PALS2: variants seen among roughly 807,000 people sequenced by gnomAD.
PALS2 encodes protein associated with LIN7 2, MAGUK p55 family member, also known as protein PALS2.
PALS2 carries 27 observed loss-of-function variants against 61.6 expected under a neutral mutation model. The ratio of observed to expected loss-of-function variants is 0.44; its 90% CI spans 0.32 to 0.60. The LOEUF (loss-of-function observed/expected upper bound fraction) is 0.60, where lower values mean the gene tolerates loss of function less well. Among genes scored for constraint, PALS2 ranks in the 20% least tolerant of loss-of-function variants. The pLI, the probability that PALS2 is intolerant of heterozygous loss-of-function variation, is 0.05. For missense variants in PALS2, 554 were observed against 639.4 expected (o/e 0.87, Z 1.44); for synonymous variants, 236 against 218.6 (o/e 1.08, Z -0.70).
At chr7:24,612,652 C>A (rs1014607887) in intron 1 of PALS2, among the ~76,000 whole-genome samples, 3 of 151,572 alleles carry the variant, frequency 2.0e-5, no homozygotes, top group Admixed American at 1.3e-4. Flanking sequence ...TTGGTTATTA[C>A]GATTATTTAG....
chr7:24,639,008 G>A (rs1007739830), intron 2 of PALS2, among the ~76,000 whole-genome samples: 8 of 152,200 alleles, frequency 5.3e-5, no homozygotes, highest in African/African-American at 1.9e-4. Flanking sequence ...GCAAAGGAGT[G>A]AAAGTCAAAG....
At position 24,608,409 on chromosome 7, in the gene PALS2, T is replaced by G. The variant is rs549171655; in HGVS notation, c.-2-15257T>G. ...CAAATACATTTTCTTCTATTACTTC[T>G]TCAACTATTTCCTCTCACACTTATT... On this transcript the variant is annotated intron_variant, in intron 1 of 11. Coordinates refer to ENST00000222644, the MANE Select transcript of PALS2 (RefSeq NM_001303037.2). 7.9e-5 allele frequency among the ~76,000 whole-genome samples: 12 copies of G among 152,268 alleles called. No individual in the cohort carries two copies. In the East Asian group the frequency reaches 2.1e-3, roughly 27 times the overall value.
intron 11 of PALS2, among the ~76,000 whole-genome samples, chr7:24,684,511 A>G (rs1788097834): frequency 1.3e-5 from 2 of 152,216 alleles, no homozygotes; most frequent in African/African-American, 4.8e-5. Context: ...AGATTATTCT[A>G]CATTTCCTGG....
intron 1 of PALS2, among the ~76,000 whole-genome samples, chr7:24,622,505 A>G (rs1784560851): frequency 2.0e-5 from 3 of 151,924 alleles, no homozygotes; most frequent in Non-Finnish European, 2.9e-5. Context: ...TATGTGTAAC[A>G]ACATATTGGT....
intron 1 of PALS2, among the ~76,000 whole-genome samples, chr7:24,615,653 A>G (rs1784269586): frequency 6.6e-6 from 1 of 151,632 alleles, no homozygotes; most frequent in Admixed American, 6.6e-5. Context: ...CCACTAAATT[A>G]TCTTCTCAAA....
At chr7:24,655,343 C>T (rs1168795481) in intron 5 of PALS2, among the ~76,000 whole-genome samples, 1 of 151,944 alleles carries the variant, frequency 6.6e-6, no homozygotes, top group Non-Finnish European at 1.5e-5. Flanking sequence ...ATAAAGAGTA[C>T]GTATAGATGC....
chr7:24,668,273 A>G (rs113461222), intron 8 of PALS2, among the ~76,000 whole-genome samples: 6 of 152,254 alleles, frequency 3.9e-5, no homozygotes, highest in African/African-American at 1.4e-4. Flanking sequence ...TTGCACCACT[A>G]TACTCTACCC....
chr7:24,594,672 A>G (rs999019593), intron 1 of PALS2, among the ~76,000 whole-genome samples: 1 of 152,074 alleles, frequency 6.6e-6, no homozygotes. Flanking sequence ...GCTGTCTTAT[A>G]TGGGGGTGAT....
intron 9 of PALS2, among the ~76,000 whole-genome samples, chr7:24,670,543 T>C (rs1787245398): frequency 6.6e-6 from 1 of 152,180 alleles, no homozygotes; most frequent in Non-Finnish European, 1.5e-5. Flanking sequence ...TCCTCTTGTA[T>C]GTGGAATGTA....
rs1027771250 is a variant in PALS2 at position 24,691,206 on chromosome 7, AT to A, written c.*3593del. ...ATTTTGAAAATTGCTCAAAATAATA[AT>A]CTACTTAAATTTTACTTTTGTAACT... On this transcript the variant is annotated 3_prime_UTR_variant, in exon 12 of 12. Coordinates refer to ENST00000222644, the MANE Select transcript of PALS2 (RefSeq NM_001303037.2). 6.6e-6 allele frequency: 1 copy of A among 151,852 alleles called. No individual in the cohort carries two copies. The highest frequency in any genetic ancestry group is 1.5e-5 in the Non-Finnish European group (1 of 67,906). The allele number at this position is 151,852 out of a possible 1,614,324, so 9.4% of individuals were successfully genotyped here. A position where few individuals can be genotyped will look rare whatever the true frequency, so the allele number is the denominator to read the frequency against.
At chr7:24,580,598 G>C (rs1583823066) in intron 1 of PALS2, among the ~76,000 whole-genome samples, 1 of 152,196 alleles carries the variant, frequency 6.6e-6, no homozygotes, top group East Asian at 1.9e-4. Context: ...GGTTCTCCAA[G>C]GAAGCCATCA....
At chr7:24,602,773 A>G (rs1783766162) in intron 1 of PALS2, among the ~76,000 whole-genome samples, 1 of 152,164 alleles carries the variant, frequency 6.6e-6, no homozygotes, top group Non-Finnish European at 1.5e-5. Context: ...CCCAAATCTC[A>G]TCTTGAATTG....
chr7:24,671,147 A>G (rs771035288), intron 9 of PALS2, among the ~76,000 whole-genome samples: 20 of 152,214 alleles, frequency 1.3e-4, no homozygotes, highest in Non-Finnish European at 2.6e-4. Context: ...CAATCCCAGC[A>G]GCATATGAAG....
intron 5 of PALS2, among the ~76,000 whole-genome samples, chr7:24,654,421 C>T (rs1036833042): frequency 6.6e-6 from 1 of 152,008 alleles, no homozygotes; most frequent in African/African-American, 2.4e-5. Context: ...TAGAGTTTAC[C>T]AAGGTACCTG....
At position 24,688,426 on chromosome 7, in the gene PALS2, T is replaced by C. The variant is rs926945476; in HGVS notation, c.*812T>C. On this transcript the variant is annotated 3_prime_UTR_variant, in exon 12 of 12. Coordinates refer to ENST00000222644, the MANE Select transcript of PALS2 (RefSeq NM_001303037.2). ...TATCCTGTAAAACCTTACAGCAAAA[T>C]GACACTTGAAGAAAGTTTATTTTCA... is the stretch of plus-strand genomic sequence containing the variant. 1 of 152,130 alleles carries C rather than the reference T, an allele frequency of 6.6e-6. No individual in the cohort carries two copies. The highest frequency in any genetic ancestry group is 2.4e-5 in the African/African-American group (1 of 41,426). The allele number at this position is 152,130 out of a possible 1,614,324, so 9.4% of individuals were successfully genotyped here.
intron 9 of PALS2, among the ~76,000 whole-genome samples, chr7:24,675,877 C>G (rs1787553168): frequency 7.3e-6 from 1 of 136,894 alleles, no homozygotes; most frequent in African/African-American, 3.2e-5. Context: ...TTTATAGTAG[C>G]ATGATTTATA....
chr7:24,664,005 A>G (rs908405795), intron 6 of PALS2, among the ~76,000 whole-genome samples: 2 of 152,178 alleles, frequency 1.3e-5, no homozygotes, highest in Admixed American at 6.5e-5. Context: ...AAAATATGCT[A>G]TTGGCCAAGA....
At chr7:24,655,649 T>C (rs1000134588) in intron 5 of PALS2, among the ~76,000 whole-genome samples, 1 of 144,502 alleles carries the variant, frequency 6.9e-6, no homozygotes, top group African/African-American at 2.7e-5. Context: ...TTTTTTTTTT[T>C]TTTTTGAGAT....
chr7:24,665,753 CTAAA>C, intron 7 of PALS2, 66 bp downstream of exon 7: 1 of 1,406,760 alleles, frequency 7.1e-7, no homozygotes, highest in Non-Finnish European at 1.0e-6. Flanking sequence ...TCTCTTTTGT[CTAAA>C]TAAGCAAATG....
Sources: gnomAD v4.1 joint callset for allele counts (sites outside exome capture counted in the v4.1 genomes callset) on GRCh38, gnomAD v4.1.1 for gene constraint, MANE v1.5 for transcripts, NCBI Gene and HGNC (gene_info 2026-07-23, HGNC 2026-07-21) for gene names.